The following CWC22 variants were observed in gnomAD, a reference collection of about 807,000 sequenced individuals.
CWC22 encodes the protein CWC22 spliceosome associated protein.
CWC22 carries 53 observed loss-of-function variants against 117.2 expected under a neutral mutation model. The observed-to-expected ratio is 0.45, with a 90% CI of 0.36 to 0.57. CWC22 has a LOEUF of 0.57. Among genes scored for constraint, CWC22 ranks in the 20% least tolerant of loss-of-function variants. The probability of loss-of-function intolerance (pLI) is 0.00; values close to 1 mark genes in which losing one functional copy is unlikely to be tolerated. For synonymous variants in CWC22, 360 were observed against 355.6 expected, an observed-to-expected ratio of 1.01 and a Z score of -0.14; for missense variants, 980 against 1,068.8, an observed-to-expected ratio of 0.92 and a Z score of 1.16.
intron 17 of CWC22, 111 bp downstream of exon 17, chr2:179,952,360 G>T (rs1686472251): frequency 3.2e-6 from 2 of 629,432 alleles, no homozygotes; most frequent in South Asian, 5.0e-5. Flanking sequence ...GATGAAGAAA[G>T]TCTCAGGGGG....
intron 1 of CWC22, among the ~76,000 whole-genome samples, chr2:179,995,160 TCCTGATGC>T: frequency 6.6e-6 from 1 of 152,204 alleles, no homozygotes; most frequent in East Asian, 1.9e-4. Context: ...GGGTCCTAAA[TCCTGATGC>T]CCACAGACTA....
rs759170604 is a variant in CWC22 at position 179,952,552 on chromosome 2, C to T, written c.1736G>A (p.Ser579Asn). 2.0e-6 allele frequency: 3 copies of T among 1,533,550 alleles called. No homozygotes were observed. The highest frequency in any genetic ancestry group is 3.9e-5 in the Admixed American group (2 of 50,820). The allele number at this position is 1,533,550 out of a possible 1,614,324, so 95.0% of individuals were successfully genotyped here. Residue 579 changes from serine to asparagine, a missense_variant, in exon 17 of 20, where the codon AGT becomes AAT. Ser to Asn is a conservative substitution (Grantham distance 46). This residue lies in a region of CWC22 where 115 missense variants were observed against 169.8 expected (regional missense o/e 0.68). Coordinates refer to ENST00000410053, the MANE Select transcript of CWC22 (RefSeq NM_020943.3). ...KLSEETTTSS[S>N]RIFVKIFFQE... is the part of the protein sequence containing the mutation. ...GAAAAATATTTTGACAAAAATTCTA[C>T]TGGATGATGTAGTGGTTTCTTCACT...
At chr2:180,000,835 C>T (rs1353285378) in intron 1 of CWC22, among the ~76,000 whole-genome samples, 3 of 151,586 alleles carry the variant, frequency 2.0e-5, no homozygotes, top group Admixed American at 2.0e-4. Flanking sequence ...AAAAAAAAGA[C>T]ATTTTAATGA....
chr2:179,960,627 G>A (rs1255654328), intron 13 of CWC22, among the ~76,000 whole-genome samples: 1 of 151,884 alleles, frequency 6.6e-6, no homozygotes, highest in Non-Finnish European at 1.5e-5. Context: ...AATCTAATAT[G>A]ACTCTCATTT....
chr2:179,971,707 G>C (rs913327988), intron 8 of CWC22, among the ~76,000 whole-genome samples: 2 of 152,126 alleles, frequency 1.3e-5, no homozygotes, highest in Non-Finnish European at 1.5e-5. Flanking sequence ...GGAAGAGTGG[G>C]AATAAAATTC....
At chr2:179,955,934 G>T (rs1181849930) in intron 14 of CWC22, among the ~76,000 whole-genome samples, 1 of 151,940 alleles carries the variant, frequency 6.6e-6, no homozygotes, top group Non-Finnish European at 1.5e-5. Context: ...TACGATCAGT[G>T]TAATCTTTTC....
intron 1 of CWC22, among the ~76,000 whole-genome samples, chr2:179,993,937 T>C (rs769055162): frequency 1.5e-4 from 23 of 152,164 alleles, no homozygotes; most frequent in Admixed American, 8.5e-4. Context: ...TTAATCCACA[T>C]AGAAATTTAA....
chr2:179,989,257 A>C (rs1687500565), intron 2 of CWC22, among the ~76,000 whole-genome samples: 1 of 150,740 alleles, frequency 6.6e-6, no homozygotes, highest in Non-Finnish European at 1.5e-5. Flanking sequence ...AATAATTATT[A>C]TTATTATTAT....
chr2:179,974,815 G>A (rs943702493), intron 6 of CWC22, among the ~76,000 whole-genome samples: 5 of 152,094 alleles, frequency 3.3e-5, no homozygotes, highest in Admixed American at 1.3e-4. Flanking sequence ...GCAGTGGGGC[G>A]ATCTTGGCTC....
At chr2:179,946,719 G>C (rs1318703425) in intron 19 of CWC22, among the ~76,000 whole-genome samples, 1 of 152,136 alleles carries the variant, frequency 6.6e-6, no homozygotes, top group Admixed American at 6.5e-5. Context: ...ACCCAAACTA[G>C]CATTCACTTC....
At chr2:179,983,805 C>T (rs1687347158) in intron 4 of CWC22, among the ~76,000 whole-genome samples, 1 of 152,056 alleles carries the variant, frequency 6.6e-6, no homozygotes, top group South Asian at 2.1e-4. Context: ...GTTCTCTACA[C>T]TAATTTGCAA....
intron 8 of CWC22, among the ~76,000 whole-genome samples, chr2:179,971,628 CTT>C (rs939415711): frequency 6.6e-6 from 1 of 152,064 alleles, no homozygotes; most frequent in Non-Finnish European, 1.5e-5. Flanking sequence ...AATAGTCTAT[CTT>C]TTTTTAAAAA....
Position 179,964,608 on chromosome 2 carries a change from C to T in CWC22, c.1336G>A (p.Asp446Asn). Residue 446 changes from aspartate (D) to asparagine (N), a missense_variant, in exon 13 of 20, where the codon GAC becomes AAC. Asp to Asn is a conservative substitution (Grantham distance 23, BLOSUM62 1). Coordinates refer to ENST00000410053, the MANE Select transcript of CWC22 (RefSeq NM_020943.3). ...DEEGQKVTIH[D>N]KTEINLVSFR... ...GAGACCAGGTTAATTTCTGTTTTGT[C>T]ATGAATAGTTACTTTTTGTCCTGAA... is the stretch of plus-strand genomic sequence containing the variant. The T allele has an allele frequency of 6.4e-7, 1 of 1,551,648 alleles. No individual in the cohort carries two copies. The highest frequency in any genetic ancestry group is 8.8e-7 in the Non-Finnish European group (1 of 1,142,260).
chr2:179,963,758 T>C (rs1353649239), intron 13 of CWC22, among the ~76,000 whole-genome samples: 1 of 152,214 alleles, frequency 6.6e-6, no homozygotes, highest in East Asian at 1.9e-4. Flanking sequence ...AGCCAAAAAA[T>C]GTTCAGACTG....
chr2:179,952,818 TTC>T lies in CWC22; in HGVS notation c.1690-222_1690-221del, dbSNP rs777713406. ...TAAGATGCGACAGAAATAGATTTCA[TTC>T]TCTGTTTTGAGTAATGTGCTTTTTA... On this transcript the variant is annotated intron_variant, in intron 16 of 19. Coordinates refer to ENST00000410053, the MANE Select transcript of CWC22 (RefSeq NM_020943.3). Among the ~76,000 whole-genome samples, 35 of 152,244 alleles carry T rather than the reference TTC, an allele frequency of 2.3e-4. 1 individual carries two copies. Among genetic ancestry groups the T allele is most frequent in the Middle Eastern group, 3.4e-3 (1 of 294 alleles).
At chr2:179,966,084 G>A (rs1559288942) in intron 11 of CWC22, 102 bp from the exon 12 acceptor site, 1 of 836,044 alleles carries the variant, frequency 1.2e-6, no homozygotes, top group Non-Finnish European at 1.8e-6. Flanking sequence ...CCACTGTGGT[G>A]TAACAGTTTG....
intron 1 of CWC22, among the ~76,000 whole-genome samples, chr2:179,994,892 G>A (rs1687661667): frequency 1.3e-5 from 2 of 152,226 alleles, no homozygotes; most frequent in South Asian, 4.2e-4. Flanking sequence ...CGAGGTGGGT[G>A]GATCACAAGG....
At chr2:179,957,092 A>T (rs1439569601) in intron 14 of CWC22, among the ~76,000 whole-genome samples, 1 of 152,174 alleles carries the variant, frequency 6.6e-6, no homozygotes, top group East Asian at 1.9e-4. Context: ...TTCTCAATGA[A>T]TATTAATACA....
chr2:179,948,599 G>A (rs1356356390), intron 19 of CWC22, among the ~76,000 whole-genome samples: 1 of 152,122 alleles, frequency 6.6e-6, no homozygotes, highest in Non-Finnish European at 1.5e-5. Context: ...TTGATAAGAT[G>A]CACTAAGAAC....
Sources: allele counts gnomAD v4.1 joint callset (sites outside exome capture counted in the v4.1 genomes callset), GRCh38; gene constraint gnomAD v4.1.1; regional missense constraint gnomAD v4.1.1; transcripts MANE v1.5; gene names NCBI Gene and HGNC (gene_info 2026-07-23, HGNC 2026-07-21).